Variants in ZSCAN25 observed in about 807,000 individuals in gnomAD.
The protein encoded by ZSCAN25 is zinc finger and SCAN domain containing 25, also known as zinc finger and SCAN domain-containing protein 25.
In ZSCAN25, 27 loss-of-function variants were observed where a neutral mutation model predicts 38.7. The ratio of observed to expected loss-of-function variants is 0.70; its 90% CI spans 0.51 to 0.96. ZSCAN25 has a LOEUF of 0.96. Among genes scored for constraint, ZSCAN25 ranks in the 40% least tolerant of loss-of-function variants. ZSCAN25 has a pLI of 0.00. For synonymous variants in ZSCAN25, 273 were observed against 277.7 expected (o/e 0.98, Z 0.17); for missense variants, 637 against 705.9 (o/e 0.90, Z 1.11).
At chr7:99,667,309 A>T in the ZSCAN25 span, among the ~76,000 whole-genome samples, 9 of 152,194 alleles carry the variant, frequency 5.9e-5, no homozygotes, top group Admixed American at 3.3e-4. Context: ...TCTATATCTC[A>T]GTCTCCTTTT....
At chr7:99,642,359 T>C in the ZSCAN25 span, among the ~76,000 whole-genome samples, 19 of 152,134 alleles carry the variant, frequency 1.2e-4, no homozygotes, top group African/African-American at 3.9e-4. Context: ...GGGAGGAACC[T>C]CCACCACATT....
chr7:99,649,850 C>T, the ZSCAN25 span, among the ~76,000 whole-genome samples: 1 of 152,140 alleles, frequency 6.6e-6, no homozygotes, highest in Non-Finnish European at 1.5e-5. Flanking sequence ...AGAGACTACA[C>T]ATAATCATGT....
Position 99,629,066 on chromosome 7 carries a change from T to TA in ZSCAN25, c.806-125_806-124insA. 45 of 1,319,402 alleles carry TA rather than the reference T, an allele frequency of 3.4e-5. No individual in the cohort carries two copies. Among genetic ancestry groups the TA allele is most frequent in the Admixed American group, 1.7e-4 (6 of 36,358 alleles). The allele number at this position is 1,319,402 out of a possible 1,614,324, so 81.7% of individuals were successfully genotyped here. A position where few individuals can be genotyped will look rare whatever the true frequency, so the allele number is the denominator to read the frequency against. Reference sequence around the variant, plus strand: ...AAAAAGAAGTAAGGAAAGCCTGAGTTGAGGTTGTTGGTCAAAGGAAAAAAG... The same window carrying TA: ...AAAAAGAAGTAAGGAAAGCCTGAGTTAGAGGTTGTTGGTCAAAGGAAAAAAG... On this transcript the variant is annotated intron_variant, in intron 7 of 7. Coordinates refer to ENST00000394152, the MANE Select transcript of ZSCAN25 (RefSeq NM_145115.3). The surrounding 1 kb of genome is among the most constrained non-coding windows in gnomAD (Gnocchi z 5.6).
the ZSCAN25 span, among the ~76,000 whole-genome samples, chr7:99,716,519 TA>T: frequency 1.3e-5 from 2 of 152,004 alleles, no homozygotes; most frequent in African/African-American, 4.8e-5. Context: ...ATGTCCTGGT[TA>T]AAAAAAACTC....
the ZSCAN25 span, among the ~76,000 whole-genome samples, chr7:99,686,535 G>A: frequency 3.3e-5 from 5 of 152,324 alleles, no homozygotes; most frequent in South Asian, 6.2e-4. Context: ...AGCCCACCAC[G>A]GCTCAAGGAG....
chr7:99,728,796 C>G, the ZSCAN25 span, among the ~76,000 whole-genome samples: 3 of 152,126 alleles, frequency 2.0e-5, no homozygotes, highest in African/African-American at 7.2e-5. Context: ...GCCCTTGGAG[C>G]TGGAATAGCA....
the ZSCAN25 span, among the ~76,000 whole-genome samples, chr7:99,664,963 G>A: frequency 2.0e-5 from 3 of 152,258 alleles, no homozygotes; most frequent in South Asian, 2.1e-4. Flanking sequence ...GGTTTGTGGT[G>A]GGGTGTTGAC....
chr7:99,697,585 A>G, the ZSCAN25 span, among the ~76,000 whole-genome samples: 1 of 152,252 alleles, frequency 6.6e-6, no homozygotes, highest in South Asian at 2.1e-4. Context: ...ATAAGTAAAC[A>G]TAAAATGTTC....
the ZSCAN25 span, chr7:99,638,414 G>A: frequency 2.5e-6 from 4 of 1,585,046 alleles, no homozygotes; most frequent in Non-Finnish European, 3.5e-6. Flanking sequence ...TGGTGAAGAT[G>A]AGGATTATGG....
At position 99,624,386 on chromosome 7, in the gene ZSCAN25, C is replaced by T. The variant is rs1807278535; in HGVS notation, c.805+206C>T. 6.6e-6 allele frequency: 4 copies of T among 603,998 alleles called. No homozygotes were observed. In the Admixed American group the frequency reaches 1.2e-4, roughly 18 times the overall value. 37.4% of individuals were successfully genotyped at this position (603,998 alleles called of 1,614,324 possible). A position where few individuals can be genotyped will look rare whatever the true frequency, so the allele number is the denominator to read the frequency against. ...ATGATGGAGCAGGAAAACATGAGGC[C>T]ATTATTCTGGCTGTATGGAGACAGG... On this transcript the variant is annotated intron_variant, in intron 7 of 7. Transcript: ENST00000394152.
At chr7:99,689,258 A>G in the ZSCAN25 span, among the ~76,000 whole-genome samples, 1 of 152,220 alleles carries the variant, frequency 6.6e-6, no homozygotes, top group Non-Finnish European at 1.5e-5. Context: ...AACAAAATTG[A>G]TAGAACGCTA....
chr7:99,685,570 C>T, the ZSCAN25 span, among the ~76,000 whole-genome samples: 18 of 152,324 alleles, frequency 1.2e-4, no homozygotes, highest in East Asian at 5.8e-4. Flanking sequence ...CTTGTGGTTT[C>T]GCAAAGCGTT....
In ZSCAN25 at chr7:99,629,280, G is replaced by C. The variant is rs894306908; in HGVS notation, c.895G>C (p.Ala299Pro). ...ACTGACATCAGAGAGGTTTGGGGAA[G>C]CCTCTCTCCAGGGCCCTGGGCTCGG... Reference protein sequence around the residue: ...VALTSERFGEASLQGPGLGRV... With the variant: ...VALTSERFGEPSLQGPGLGRV... The change falls in exon 8 of 8, where the codon GCC (alanine) becomes CCC (proline). Residue 299 changes from alanine to proline, a missense_variant. Ala to Pro is a conservative substitution (Grantham distance 27). Transcript: ENST00000394152. This position sits in a 1 kb window ranked among gnomAD's most constrained non-coding sequence, Gnocchi z 5.6. 5.0e-6 allele frequency: 8 copies of C among 1,614,090 alleles called. No individual in the cohort carries two copies. Among genetic ancestry groups the C allele is most frequent in the Non-Finnish European group, 6.8e-6 (8 of 1,180,028 alleles).
chr7:99,652,778 G>T, the ZSCAN25 span: 1 of 1,611,698 alleles, frequency 6.2e-7, no homozygotes, highest in South Asian at 1.1e-5. Flanking sequence ...GGTAGGTGGT[G>T]CCTGGAAGGA....
At chr7:99,722,177 G>T in the ZSCAN25 span, 1 of 1,253,930 alleles carries the variant, frequency 8.0e-7, no homozygotes, top group Non-Finnish European at 1.1e-6. Flanking sequence ...CTCTCTGTTT[G>T]TAGTTAGGCT....
chr7:99,713,526 C>T, the ZSCAN25 span: 1 of 1,613,266 alleles, frequency 6.2e-7, no homozygotes. Context: ...TGAAGGAAAT[C>T]CACTCGGTGC....
At chr7:99,679,877 A>G in the ZSCAN25 span, 58 of 1,614,094 alleles carry the variant, frequency 3.6e-5, no homozygotes, top group Non-Finnish European at 4.8e-5. Context: ...TTCCACCGCC[A>G]AATTTGGGAT....
chr7:99,673,764 G>C, the ZSCAN25 span, among the ~76,000 whole-genome samples: 1 of 152,176 alleles, frequency 6.6e-6, no homozygotes. Context: ...AGAAGGGTCT[G>C]AGACAATGCA....
the ZSCAN25 span, among the ~76,000 whole-genome samples, chr7:99,678,247 A>G: frequency 6.6e-6 from 1 of 152,226 alleles, no homozygotes; most frequent in Non-Finnish European, 1.5e-5. Flanking sequence ...GAAGCAGATG[A>G]GATGCCAACC....
Sources: allele counts gnomAD v4.1 joint callset (sites outside exome capture counted in the v4.1 genomes callset), GRCh38; gene constraint gnomAD v4.1.1; non-coding constraint Gnocchi (gnomAD v3.1); transcripts MANE v1.5; gene names NCBI Gene and HGNC (gene_info 2026-07-23, HGNC 2026-07-21).